Variants in RPSA2 observed in about 807,000 individuals in gnomAD.
RPSA2 encodes the protein ribosomal protein SA 2.
the RPSA2 span, among the ~76,000 whole-genome samples, chr19:23,844,159 C>T: frequency 6.6e-6 from 1 of 152,098 alleles, no homozygotes; most frequent in Non-Finnish European, 1.5e-5. Context: ...CTATTTAGCA[C>T]TTTTTAAATA....
the RPSA2 span, among the ~76,000 whole-genome samples, chr19:23,787,151 C>A: frequency 1.8e-4 from 28 of 152,122 alleles, no homozygotes; most frequent in Non-Finnish European, 2.5e-4. Context: ...TTAGGTTTTG[C>A]CTTCAGATGA....
chr19:23,810,886 G>C, the RPSA2 span, among the ~76,000 whole-genome samples: 7,336 of 152,176 alleles, frequency 0.048, 328 homozygotes, highest in South Asian at 0.08. Flanking sequence ...GCCAACAACA[G>C]TAGTCCTGTA....
the RPSA2 span, among the ~76,000 whole-genome samples, chr19:23,857,485 C>CTTTTTTTTTT: frequency 8.4e-5 from 8 of 95,258 alleles, no homozygotes; most frequent in African/African-American, 2.4e-4. Flanking sequence ...TTTTTAAAGT[C>CTTTTTTTTTT]TTTTTTTTTT....
chr19:23,864,846 T>G, the RPSA2 span, among the ~76,000 whole-genome samples: 3 of 152,134 alleles, frequency 2.0e-5, no homozygotes, highest in Non-Finnish European at 4.4e-5. Flanking sequence ...AATGCTGTCA[T>G]GCAGGCCTGC....
the RPSA2 span, among the ~76,000 whole-genome samples, chr19:23,847,592 G>A: frequency 6.6e-6 from 1 of 152,180 alleles, no homozygotes; most frequent in Non-Finnish European, 1.5e-5. Context: ...AGAAACTCCT[G>A]ATAAGAGCCT....
At chr19:23,807,861 C>A in the RPSA2 span, 2 of 433,274 alleles carry the variant, frequency 4.6e-6, no homozygotes, top group Admixed American at 2.7e-5. Context: ...CCATAGAATT[C>A]TCTCTGGAGG....
chr19:23,827,606 AAC>A, the RPSA2 span: 3 of 1,592,124 alleles, frequency 1.9e-6, no homozygotes, highest in African/African-American at 1.3e-5. Flanking sequence ...TGCGCTGTGT[AAC>A]ACAGATTCTC....
chr19:23,864,306 T>C, the RPSA2 span, among the ~76,000 whole-genome samples: 2 of 152,208 alleles, frequency 1.3e-5, no homozygotes. Flanking sequence ...ATTTCAAACA[T>C]GTATTTCTTT....
chr19:23,864,316 T>A, the RPSA2 span, among the ~76,000 whole-genome samples: 1 of 152,238 alleles, frequency 6.6e-6, no homozygotes, highest in Non-Finnish European at 1.5e-5. Flanking sequence ...TGTATTTCTT[T>A]ATTAACATTC....
At chr19:23,789,925 G>T in the RPSA2 span, among the ~76,000 whole-genome samples, 9 of 151,720 alleles carry the variant, frequency 5.9e-5, no homozygotes, top group African/African-American at 2.2e-4. Flanking sequence ...TGATCTGCTG[G>T]CCTCAGGCTT....
chr19:23,864,860 A>C, the RPSA2 span, among the ~76,000 whole-genome samples: 1 of 152,106 alleles, frequency 6.6e-6, no homozygotes, highest in East Asian at 1.9e-4. Context: ...GGCCTGCACT[A>C]AGTCAAGCAG....
the RPSA2 span, among the ~76,000 whole-genome samples, chr19:23,854,489 G>T: frequency 3.3e-5 from 5 of 152,262 alleles, no homozygotes; most frequent in East Asian, 9.7e-4. Flanking sequence ...GAACACATTG[G>T]TCTGAGTCTG....
At chr19:23,828,890 T>C in the RPSA2 span, among the ~76,000 whole-genome samples, 1 of 151,920 alleles carries the variant, frequency 6.6e-6, no homozygotes, top group Admixed American at 6.6e-5. Flanking sequence ...GTGTGTTTCT[T>C]CCATTCTGTC....
At chr19:23,810,872 T>G in the RPSA2 span, among the ~76,000 whole-genome samples, 2 of 152,194 alleles carry the variant, frequency 1.3e-5, no homozygotes, top group Non-Finnish European at 2.9e-5. Flanking sequence ...TTTTCTTGTC[T>G]GTAGCCAACA....
At chr19:23,826,546 T>A in the RPSA2 span, among the ~76,000 whole-genome samples, 1 of 152,168 alleles carries the variant, frequency 6.6e-6, no homozygotes, top group African/African-American at 2.4e-5. Flanking sequence ...TTTTTGTTTT[T>A]AACAGTATAA....
At chr19:23,761,902 T>TCC in the RPSA2 span, among the ~76,000 whole-genome samples, 1 of 62,262 alleles carries the variant, frequency 1.6e-5, no homozygotes, top group Non-Finnish European at 3.0e-5. Context: ...GGTAACGTAA[T>TCC]TCTTTCTTTC....
the RPSA2 span, among the ~76,000 whole-genome samples, chr19:23,854,818 G>C: frequency 6.6e-6 from 1 of 152,130 alleles, no homozygotes; most frequent in African/African-American, 2.4e-5. Flanking sequence ...GAATAGCTTT[G>C]TGGGTCTCTG....
the RPSA2 span, among the ~76,000 whole-genome samples, chr19:23,870,562 A>G: frequency 6.6e-6 from 1 of 152,204 alleles, no homozygotes; most frequent in African/African-American, 2.4e-5. Context: ...CAAACTCAAG[A>G]GTTTCAGCCT....
chr19:23,863,132 A>G, the RPSA2 span, among the ~76,000 whole-genome samples: 1 of 152,192 alleles, frequency 6.6e-6, no homozygotes, highest in South Asian at 2.1e-4. Context: ...TAGCGCAGGT[A>G]GAAGAGAAAT....
Sources: allele counts gnomAD v4.1 joint callset (sites outside exome capture counted in the v4.1 genomes callset), GRCh38; gene constraint gnomAD v4.1.1; transcripts MANE v1.5; gene names NCBI Gene and HGNC (gene_info 2026-07-23, HGNC 2026-07-21).